The following LRIG1 variants were observed in gnomAD, a reference collection of about 807,000 sequenced individuals.
LRIG1 encodes leucine-rich repeats and immunoglobulin-like domains protein 1.
LRIG1 carries 48 observed loss-of-function variants against 99.2 expected under a neutral mutation model. The observed-to-expected ratio is 0.48, with a 90% CI of 0.38 to 0.62. LRIG1 has a LOEUF of 0.62. Among genes scored for constraint, LRIG1 ranks in the 20% least tolerant of loss-of-function variants. The pLI is 0.00. For synonymous variants in LRIG1, 772 were observed against 596.1 expected (o/e 1.29, Z -4.30); for missense variants, 1,646 against 1,434.4 (o/e 1.15, Z -2.38).
intron 1 of LRIG1, among the ~76,000 whole-genome samples, chr3:66,471,182 T>C (rs752881551): frequency 1.1e-4 from 16 of 152,206 alleles, no homozygotes; most frequent in Non-Finnish European, 1.9e-4. Context: ...AGCCACCATT[T>C]GGCTTTGCTA....
At chr3:66,465,454 CTT>C (rs371597408) in intron 1 of LRIG1, among the ~76,000 whole-genome samples, 188 of 141,664 alleles carry the variant, frequency 1.3e-3, no homozygotes, top group Non-Finnish European at 2.1e-3. Flanking sequence ...ACCTCCACCT[CTT>C]GTTTTCAAGC....
rs1702639204 is a variant in LRIG1, at chr3:66,417,145, G to C, written c.487C>G (p.Pro163Ala). ...GGCACTTACAGCTCCTTTATAGGCGGTCCGTGTGGAAAGCAGGTGTTCCGC... is the reference window on the plus strand; with the variant it reads ...GGCACTTACAGCTCCTTTATAGGCGCTCCGTGTGGAAAGCAGGTGTTCCGC... ...EVRNTCFPHGPPIKELNLAGN... is the reference protein window; with the variant it reads ...EVRNTCFPHGAPIKELNLAGN... Residue 163 changes from proline to alanine, a missense_variant, in exon 4 of 19, where the codon CCG becomes GCG. Transcript: ENST00000273261. The C allele has an allele frequency of 6.2e-7, 1 of 1,614,030 alleles. No individual in the cohort carries two copies.
At chr3:66,385,383 G>C (rs1701322920) in intron 13 of LRIG1, among the ~76,000 whole-genome samples, 1 of 152,208 alleles carries the variant, frequency 6.6e-6, no homozygotes, top group African/African-American at 2.4e-5. Context: ...TTGGAAGCCA[G>C]ATCTCTTGGC....
chr3:66,381,420 AG>A (rs1194472535), intron 17 of LRIG1, 58 bp downstream of exon 17: 2 of 1,544,818 alleles, frequency 1.3e-6, no homozygotes, highest in African/African-American at 2.7e-5. Flanking sequence ...TGTAGTGACT[AG>A]GTCAGCCCAA....
chr3:66,446,625 C>G (rs1266341476), intron 3 of LRIG1, among the ~76,000 whole-genome samples: 1 of 151,748 alleles, frequency 6.6e-6, no homozygotes, highest in Non-Finnish European at 1.5e-5. Context: ...AGGCTGGTCT[C>G]GAACTCCTGA....
chr3:66,491,055 T>C (rs993384365), intron 1 of LRIG1, among the ~76,000 whole-genome samples: 6 of 152,220 alleles, frequency 3.9e-5, no homozygotes, highest in African/African-American at 9.6e-5. Context: ...CATTTTCAAA[T>C]CTGTGTGAAG....
intron 6 of LRIG1, 81 bp from the exon 7 acceptor site, chr3:66,410,353 T>C: frequency 2.2e-6 from 3 of 1,352,672 alleles, no homozygotes; most frequent in East Asian, 4.6e-5. Flanking sequence ...AGCCACGCTG[T>C]ACCTGACACT....
In LRIG1 at chr3:66,459,263, A is replaced by G. The variant is rs1700302104; in HGVS notation, c.290+3175T>C. 1.3e-5 allele frequency among the ~76,000 whole-genome samples: 2 copies of G among 152,202 alleles called. 1 individual carries two copies. Among genetic ancestry groups the G allele is most frequent in the South Asian group, 4.1e-4 (2 of 4,830 alleles). ...ACAGGCTGCAGGTCACGGGAGCCAAATCAAATGAAAGGTAAAAGCCTGTCT... is the reference window on the plus strand; with the variant it reads ...ACAGGCTGCAGGTCACGGGAGCCAAGTCAAATGAAAGGTAAAAGCCTGTCT... On this transcript the variant is annotated intron_variant, in intron 2 of 18. Coordinates refer to ENST00000273261, the MANE Select transcript of LRIG1 (RefSeq NM_015541.3).
chr3:66,435,783 T>A (rs200222448), intron 3 of LRIG1, among the ~76,000 whole-genome samples: 1 of 15,186 alleles, frequency 6.6e-5, no homozygotes. Flanking sequence ...CCATATTACT[T>A]TTTTTTTTTT....
intron 7 of LRIG1, among the ~76,000 whole-genome samples, chr3:66,409,187 G>A (rs1048880901): frequency 6.6e-6 from 1 of 151,664 alleles, no homozygotes; most frequent in South Asian, 2.1e-4. Flanking sequence ...CCTAGAAAAG[G>A]AAGAAAAAAA....
intron 1 of LRIG1, among the ~76,000 whole-genome samples, chr3:66,480,715 A>G (rs934324091): frequency 1.3e-5 from 2 of 152,214 alleles, no homozygotes; most frequent in Admixed American, 6.5e-5. Context: ...AACCTCAGCT[A>G]GAGTTTACCC....
intron 3 of LRIG1, among the ~76,000 whole-genome samples, chr3:66,443,223 C>T: frequency 6.6e-6 from 1 of 151,094 alleles, no homozygotes; most frequent in East Asian, 2.0e-4. Flanking sequence ...GGCTGCAGTT[C>T]TAAGAACTGC....
chr3:66,388,841 G>GC (rs1237050391), intron 12 of LRIG1, among the ~76,000 whole-genome samples: 1 of 152,244 alleles, frequency 6.6e-6, no homozygotes, highest in East Asian at 1.9e-4. Context: ...TATCAGGCCT[G>GC]CCCCACAAGA....
intron 3 of LRIG1, among the ~76,000 whole-genome samples, chr3:66,441,420 T>C (rs1376710113): frequency 6.6e-6 from 1 of 152,104 alleles, no homozygotes; most frequent in Non-Finnish European, 1.5e-5. Context: ...TTTTCCTCAC[T>C]GTACCTTTCA....
At chr3:66,392,210 G>A (rs138772904) in intron 12 of LRIG1, among the ~76,000 whole-genome samples, 1 of 152,302 alleles carries the variant, frequency 6.6e-6, no homozygotes, top group African/African-American at 2.4e-5. Context: ...TGATACCTGG[G>A]TTGTGCCCAT....
At chr3:66,444,096 G>A (rs1703638905) in intron 3 of LRIG1, among the ~76,000 whole-genome samples, 1 of 152,192 alleles carries the variant, frequency 6.6e-6, no homozygotes, top group Non-Finnish European at 1.5e-5. Flanking sequence ...AAAGGTAAGT[G>A]TGCTAAAACT....
intron 13 of LRIG1, among the ~76,000 whole-genome samples, chr3:66,385,393 C>T (rs1350616673): frequency 6.6e-6 from 1 of 152,182 alleles, no homozygotes; most frequent in Non-Finnish European, 1.5e-5. Flanking sequence ...GATCTCTTGG[C>T]TTATAGAGGA....
At chr3:66,436,657 C>G (rs556603417) in intron 3 of LRIG1, among the ~76,000 whole-genome samples, 1 of 150,756 alleles carries the variant, frequency 6.6e-6, no homozygotes, top group Non-Finnish European at 1.5e-5. Context: ...CAAGCCTGCA[C>G]AGGAAGAACT....
chr3:66,492,967 A>G (rs1575735435), intron 1 of LRIG1, among the ~76,000 whole-genome samples: 1 of 152,114 alleles, frequency 6.6e-6, no homozygotes, highest in Non-Finnish European at 1.5e-5. Flanking sequence ...TCCTCAAATG[A>G]CCCTGTGTTC....
Sources: allele counts gnomAD v4.1 joint callset (sites outside exome capture counted in the v4.1 genomes callset), GRCh38; gene constraint gnomAD v4.1.1; transcripts MANE v1.5; gene names NCBI Gene and HGNC (gene_info 2026-07-23, HGNC 2026-07-21).